Variants in PTPN20 observed in about 807,000 individuals in gnomAD.
PTPN20 encodes protein tyrosine phosphatase non-receptor type 20.
Under a neutral mutation model 35.0 loss-of-function variants are expected in PTPN20, and 9 were observed. The observed-to-expected ratio is 0.26, with a 90% CI of 0.15 to 0.45. The LOEUF (loss-of-function observed/expected upper bound fraction) is 0.45, where lower values mean the gene tolerates loss of function less well. Ranked by LOEUF, PTPN20 falls within the 20% of genes least tolerant of loss-of-function variation. The pLI is 1.00. For synonymous variants in PTPN20, 32 were observed against 100.2 expected, an observed-to-expected ratio of 0.32 and a Z score of 4.06; for missense variants, 111 against 312.5, an observed-to-expected ratio of 0.36 and a Z score of 4.86.
At chr10:46,940,856 A>G in intron 3 of PTPN20, 139 bp downstream of exon 3, 1 of 1,042,240 alleles carries the variant, frequency 9.6e-7, no homozygotes, top group Non-Finnish European at 1.4e-6. Flanking sequence ...GTTGACAGTG[A>G]CCAAAATGGG....
At chr10:46,993,765 A>G (rs1179407496) in intron 9 of PTPN20, among the ~76,000 whole-genome samples, 1 of 152,340 alleles carries the variant, frequency 6.6e-6, no homozygotes, top group East Asian at 1.9e-4. Context: ...TGCTGTAGCT[A>G]TTACGGCTTT....
intron 4 of PTPN20, among the ~76,000 whole-genome samples, chr10:46,944,686 T>A (rs1360913297): frequency 2.2e-5 from 3 of 135,326 alleles, no homozygotes; most frequent in Non-Finnish European, 4.6e-5. Flanking sequence ...GAAATTTATA[T>A]GTACAATTTT....
intron 1 of PTPN20, among the ~76,000 whole-genome samples, chr10:46,919,142 T>A (rs1283762273): frequency 6.6e-6 from 1 of 151,942 alleles, no homozygotes; most frequent in Non-Finnish European, 1.5e-5. Flanking sequence ...GTTATCTTTT[T>A]TCCATTTTTT....
At chr10:46,964,577 C>G (rs1204133184) in intron 5 of PTPN20, among the ~76,000 whole-genome samples, 1 of 149,298 alleles carries the variant, frequency 6.7e-6, no homozygotes, top group Non-Finnish European at 1.5e-5. Context: ...GAACTCTCCA[C>G]ATCACCACAT....
At chr10:46,997,279 C>T (rs1035510242) in intron 9 of PTPN20, among the ~76,000 whole-genome samples, 18 of 151,450 alleles carry the variant, frequency 1.2e-4, no homozygotes, top group Admixed American at 2.6e-4. Flanking sequence ...ATTGCTAGTA[C>T]GTAGAAATTT....
intron 1 of PTPN20, among the ~76,000 whole-genome samples, chr10:46,928,416 T>G (rs1210992614): frequency 1.3e-5 from 2 of 151,572 alleles, no homozygotes; most frequent in Non-Finnish European, 3.0e-5. Context: ...GGTGTAATTA[T>G]GTATAAAGCT....
Position 46,992,887 on chromosome 10 carries a change from A to T in PTPN20, c.1134+5332A>T, listed in dbSNP as rs985083675. ...TGTTGAATTTGCTATCATTTCGATG[A>T]GGCTTTTTGTTTTTATATTCTTTGT... On this transcript the variant is annotated intron_variant, in intron 9 of 10. Transcript: ENST00000374339. Among the ~76,000 whole-genome samples the T allele has an allele frequency of 2.6e-3, 396 of 152,250 alleles. 3 individuals carry two copies. Among genetic ancestry groups the T allele is most frequent in the Non-Finnish European group, 2.3e-3 (156 of 68,002 alleles).
rs1196797910 is a variant in PTPN20 at position 46,946,985 on chromosome 10, C to G, written c.340+310C>G. The G allele has an allele frequency of 5.7e-5, 19 of 334,614 alleles. No homozygotes were observed. In the South Asian group the frequency reaches 6.1e-4, roughly 11 times the overall value. The allele number at this position is 334,614 out of a possible 1,614,324, so 20.7% of individuals were successfully genotyped here. A position where few individuals can be genotyped will look rare whatever the true frequency, so the allele number is the denominator to read the frequency against. On this transcript the variant is annotated intron_variant, in intron 5 of 10. Coordinates refer to ENST00000374339, the MANE Select transcript of PTPN20 (RefSeq NM_001042357.5). ...TGAAAAATAACCTGCTTCCTTATTT[C>G]CTTTTTAAAAATTTGTTGCACAATA...
At chr10:46,928,175 T>C (rs1344946130) in intron 1 of PTPN20, among the ~76,000 whole-genome samples, 4 of 151,864 alleles carry the variant, frequency 2.6e-5, no homozygotes, top group Non-Finnish European at 4.4e-5. Context: ...GCATTGTTGA[T>C]ATAGGGTCTC....
chr10:46,947,548 G>A (rs1343798592), intron 5 of PTPN20, among the ~76,000 whole-genome samples: 75 of 151,052 alleles, frequency 5.0e-4, no homozygotes, highest in Non-Finnish European at 9.7e-4. Flanking sequence ...TTAGCATACA[G>A]TTCTATGAGG....
chr10:46,940,167 A>G (rs2042994061), intron 2 of PTPN20, among the ~76,000 whole-genome samples: 1 of 148,954 alleles, frequency 6.7e-6, no homozygotes, highest in African/African-American at 2.5e-5. Context: ...AATTTTCTGT[A>G]TAATTTAACA....
At chr10:47,003,297 AG>A (rs1348762325), downstream of PTPN20, among the ~76,000 whole-genome samples, 3 of 118,412 alleles carry the variant, frequency 2.5e-5, no homozygotes, top group Non-Finnish European at 3.6e-5. Flanking sequence ...TGAAAAACAG[AG>A]CCCCCCCTAT....
chr10:47,003,180 A>G (rs1280284349), downstream of PTPN20, among the ~76,000 whole-genome samples: 1 of 152,042 alleles, frequency 6.6e-6, no homozygotes, highest in Non-Finnish European at 1.5e-5. Flanking sequence ...TCATAATTAA[A>G]CAATTTGAAT....
intron 1 of PTPN20, among the ~76,000 whole-genome samples, chr10:46,927,946 A>G (rs1457893450): frequency 6.6e-6 from 1 of 151,776 alleles, no homozygotes; most frequent in Non-Finnish European, 1.5e-5. Flanking sequence ...TGGAGGGAAT[A>G]TGCCAAAGCA....
intron 3 of PTPN20, among the ~76,000 whole-genome samples, chr10:46,941,691 G>GT (rs200498544): frequency 9.6e-5 from 14 of 145,666 alleles, no homozygotes; most frequent in South Asian, 2.2e-4. Flanking sequence ...TTTACTTTGG[G>GT]TTTTTTTTTG....
At chr10:46,930,034 T>C (rs1315998303) in intron 1 of PTPN20, among the ~76,000 whole-genome samples, 5 of 143,050 alleles carry the variant, frequency 3.5e-5, no homozygotes, top group Admixed American at 3.4e-4. Context: ...AAAGGGAAAT[T>C]TATCCAGTTT....
At chr10:46,922,962 G>C (rs1164852769) in intron 1 of PTPN20, among the ~76,000 whole-genome samples, 1 of 129,776 alleles carries the variant, frequency 7.7e-6, no homozygotes, top group East Asian at 2.2e-4. Context: ...TGATTTAGGT[G>C]ATTTAGGAGA....
chr10:46,932,665 G>A (rs2040115497), intron 2 of PTPN20, 132 bp downstream of exon 2: 28 of 1,516,316 alleles, frequency 1.8e-5, no homozygotes, highest in Middle Eastern at 1.9e-4. Flanking sequence ...GGTCTTGGTG[G>A]GGTGGGGTGG....
intron 1 of PTPN20, chr10:46,920,774 T>C (rs1303528482): frequency 8.0e-6 from 1 of 124,296 alleles, no homozygotes; most frequent in East Asian, 2.4e-4. Context: ...CTTGGCCGCC[T>C]CTACTGTATT....
Sources: gnomAD v4.1 joint callset for allele counts (sites outside exome capture counted in the v4.1 genomes callset) on GRCh38, gnomAD v4.1.1 for gene constraint, MANE v1.5 for transcripts, NCBI Gene and HGNC (gene_info 2026-07-23, HGNC 2026-07-21) for gene names.